THSD7B: variants seen among roughly 807,000 people sequenced by gnomAD.
The protein encoded by THSD7B is thrombospondin type-1 domain-containing protein 7B.
Under a neutral mutation model 213.6 loss-of-function variants are expected in THSD7B, and 138 were observed. The observed-to-expected ratio is 0.65, with a 90% CI of 0.56 to 0.74. THSD7B has a LOEUF of 0.74. THSD7B is among the 30% of genes least tolerant of loss of function. The pLI is 0.00. For synonymous variants in THSD7B, 742 were observed against 687.0 expected (o/e 1.08, Z -1.25); for missense variants, 1,931 against 1,991.5 (o/e 0.97, Z 0.58).
At chr2:136,985,402 C>G (rs918918276) in intron 2 of THSD7B, among the ~76,000 whole-genome samples, 5 of 152,204 alleles carry the variant, frequency 3.3e-5, no homozygotes, top group African/African-American at 1.2e-4. Flanking sequence ...TCTGGCTGCT[C>G]TAGCCCCTGC....
intron 10 of THSD7B, among the ~76,000 whole-genome samples, chr2:137,269,845 A>G (rs1478648437): frequency 6.6e-6 from 1 of 152,168 alleles, no homozygotes; most frequent in Non-Finnish European, 1.5e-5. Context: ...AAAAGGGGCC[A>G]ATTACAGGAT....
At chr2:137,416,596 G>A (rs2105020004) in intron 14 of THSD7B, among the ~76,000 whole-genome samples, 1 of 152,262 alleles carries the variant, frequency 6.6e-6, no homozygotes, top group Admixed American at 6.5e-5. Flanking sequence ...CCCCACACAG[G>A]CTCTCAGTAT....
At chr2:137,588,670 T>C (rs1023518791) in intron 17 of THSD7B, among the ~76,000 whole-genome samples, 1 of 152,068 alleles carries the variant, frequency 6.6e-6, no homozygotes, top group African/African-American at 2.4e-5. Flanking sequence ...GATTACCATC[T>C]TTTTATTACT....
chr2:137,447,028 T>G (rs2105061000), intron 14 of THSD7B, among the ~76,000 whole-genome samples: 1 of 152,258 alleles, frequency 6.6e-6, no homozygotes, highest in Admixed American at 6.5e-5. Flanking sequence ...ATGCAAGTAT[T>G]AATATTCCTC....
At chr2:137,334,828 T>G (rs1163434121) in intron 12 of THSD7B, among the ~76,000 whole-genome samples, 1 of 152,166 alleles carries the variant, frequency 6.6e-6, no homozygotes, top group Non-Finnish European at 1.5e-5. Context: ...GTGTCAAGGG[T>G]GGGACCAGGT....
intron 2 of THSD7B, among the ~76,000 whole-genome samples, chr2:136,988,107 G>A (rs1010105180): frequency 2.0e-5 from 3 of 152,078 alleles, no homozygotes; most frequent in Middle Eastern, 3.2e-3. Context: ...TTTAGAATAT[G>A]GCCGTCTCCC....
At chr2:137,410,094 G>A (rs1042943585) in intron 13 of THSD7B, among the ~76,000 whole-genome samples, 1 of 152,080 alleles carries the variant, frequency 6.6e-6, no homozygotes, top group Non-Finnish European at 1.5e-5. Context: ...CTAATAGGAA[G>A]GAGCCCCTCA....
chr2:137,437,798 AG>A (rs905975178), intron 14 of THSD7B, among the ~76,000 whole-genome samples: 20 of 152,264 alleles, frequency 1.3e-4, no homozygotes, highest in Admixed American at 5.9e-4. Context: ...TTTAATTAGC[AG>A]GGAACTGTTG....
chr2:137,067,477 G>T (rs1687403531), intron 3 of THSD7B, among the ~76,000 whole-genome samples: 2 of 151,904 alleles, frequency 1.3e-5, no homozygotes, highest in African/African-American at 4.8e-5. Context: ...TTCTAAATAA[G>T]GTCTGAAACA....
At chr2:137,215,622 T>C (rs1238878404) in intron 7 of THSD7B, among the ~76,000 whole-genome samples, 1 of 152,172 alleles carries the variant, frequency 6.6e-6, no homozygotes, top group African/African-American at 2.4e-5. Flanking sequence ...ATAGTCTTTA[T>C]TTTCTTGGAA....
intron 24 of THSD7B, 73 bp from the exon 25 acceptor site, chr2:137,659,591 T>TA (rs202106532): frequency 4.1e-4 from 555 of 1,363,138 alleles, no homozygotes; most frequent in South Asian, 9.0e-4. Flanking sequence ...TGGCACAGGT[T>TA]AAAAAAAAAT....
chr2:137,534,819 CAT>C (rs1680471712), intron 15 of THSD7B, among the ~76,000 whole-genome samples: 1 of 151,650 alleles, frequency 6.6e-6, no homozygotes, highest in East Asian at 1.9e-4. Flanking sequence ...TATATAATAA[CAT>C]ATTCTTTCAG....
intron 14 of THSD7B, among the ~76,000 whole-genome samples, chr2:137,436,248 T>C (rs1186457948): frequency 6.6e-6 from 1 of 152,206 alleles, no homozygotes; most frequent in African/African-American, 2.4e-5. Context: ...CTGACATTTA[T>C]TGAGCACTTA....
intron 15 of THSD7B, among the ~76,000 whole-genome samples, chr2:137,557,339 T>C (rs1422939345): frequency 6.6e-6 from 1 of 152,156 alleles, no homozygotes; most frequent in Non-Finnish European, 1.5e-5. Context: ...TATAACAAAC[T>C]GTCTCTCAGA....
At chr2:137,646,247 G>A (rs1278496993) in intron 21 of THSD7B, among the ~76,000 whole-genome samples, 2 of 152,160 alleles carry the variant, frequency 1.3e-5, no homozygotes, top group East Asian at 3.9e-4. Context: ...CCTCATGAAC[G>A]GTATTAATGT....
intron 2 of THSD7B, among the ~76,000 whole-genome samples, chr2:136,996,362 G>A (rs1685889325): frequency 6.8e-6 from 1 of 146,324 alleles, no homozygotes; most frequent in African/African-American, 2.6e-5. Flanking sequence ...TTTTTTTTCA[G>A]ACAAGGTCTT....
At chr2:136,923,713 GA>G (rs1684474931) in intron 2 of THSD7B, among the ~76,000 whole-genome samples, 1 of 152,052 alleles carries the variant, frequency 6.6e-6, no homozygotes, top group East Asian at 1.9e-4. Context: ...TAGTGACCTT[GA>G]TTATGTTTTC....
At chr2:137,562,283 C>T (rs1354056905) in intron 15 of THSD7B, among the ~76,000 whole-genome samples, 1 of 152,110 alleles carries the variant, frequency 6.6e-6, no homozygotes, top group Non-Finnish European at 1.5e-5. Flanking sequence ...TGGAACCATT[C>T]TTTGTAAGCA....
chr2:137,331,509 A>G (rs927133913), intron 12 of THSD7B, among the ~76,000 whole-genome samples: 2 of 152,240 alleles, frequency 1.3e-5, no homozygotes, highest in South Asian at 2.1e-4. Context: ...AAGGTTCTCC[A>G]CGTCCCCACC....
Sources: gnomAD v4.1 joint callset for allele counts (sites outside exome capture counted in the v4.1 genomes callset) on GRCh38, gnomAD v4.1.1 for gene constraint, MANE v1.5 for transcripts, NCBI Gene and HGNC (gene_info 2026-07-23, HGNC 2026-07-21) for gene names.